Variants in TMEM17 observed in about 807,000 individuals in gnomAD.
TMEM17 encodes the protein transmembrane protein 17.
A neutral mutation model predicts 19.1 loss-of-function variants in TMEM17; 15 were observed. That is an observed-to-expected ratio of 0.78 (90% CI 0.52 to 1.21). TMEM17 has a LOEUF of 1.21. TMEM17 is among the 50% of genes most tolerant of loss of function. TMEM17 has a pLI of 0.00. For missense variants in TMEM17, 245 were observed against 242.3 expected (o/e 1.01, Z -0.07); for synonymous variants, 103 against 86.9 (o/e 1.19, Z -1.03).
At chr2:62,466,650 GC>G in the TMEM17 span, among the ~76,000 whole-genome samples, 83 of 152,328 alleles carry the variant, frequency 5.4e-4, no homozygotes, top group Non-Finnish European at 1.0e-3. Context: ...TTAGGAAGCA[GC>G]TTATTTGAGG....
At chr2:62,475,320 C>G in the TMEM17 span, among the ~76,000 whole-genome samples, 1 of 152,366 alleles carries the variant, frequency 6.6e-6, no homozygotes, top group East Asian at 1.9e-4. Context: ...TGGGGCACAG[C>G]GGCAGAGGCA....
At chr2:62,503,898 A>T (rs1472239010) in intron 1 of TMEM17, among the ~76,000 whole-genome samples, 1 of 152,248 alleles carries the variant, frequency 6.6e-6, no homozygotes, top group African/African-American at 2.4e-5. Context: ...TTGATTCCAT[A>T]ACACTTTCTG....
chr2:62,498,689 C>A (rs1573432114), downstream of TMEM17, among the ~76,000 whole-genome samples: 1 of 146,262 alleles, frequency 6.8e-6, no homozygotes, highest in African/African-American at 2.6e-5. Context: ...GCACTCCAGC[C>A]TGGGCGACAG....
rs952188266 is a variant in TMEM17 at position 62,504,448 on chromosome 2, T to C, written c.100+1582A>G. ...AAATTGGGCAAGCTGAACATTTCAGTACCTTTGAGAAGAAACTGTAGTCAA... is the reference window on the plus strand; with the variant it reads ...AAATTGGGCAAGCTGAACATTTCAGCACCTTTGAGAAGAAACTGTAGTCAA... On this transcript the variant is annotated intron_variant, in intron 1 of 3. Transcript: ENST00000335390. Among the ~76,000 whole-genome samples, 6 of 152,330 alleles carry C rather than the reference T, an allele frequency of 3.9e-5. No homozygotes were observed. In the Middle Eastern group the frequency reaches 0.017, roughly 432 times the overall value.
At chr2:62,470,244 A>G in the TMEM17 span, among the ~76,000 whole-genome samples, 5 of 152,218 alleles carry the variant, frequency 3.3e-5, no homozygotes, top group Admixed American at 6.5e-5. Flanking sequence ...CCCCTAGGGT[A>G]TAATTCCAAG....
chr2:62,496,541 A>C (rs1042871651), downstream of TMEM17, among the ~76,000 whole-genome samples: 4 of 152,352 alleles, frequency 2.6e-5, no homozygotes, highest in African/African-American at 9.6e-5. Flanking sequence ...TCAGAAAAGC[A>C]GGGTGCACAA....
the TMEM17 span, among the ~76,000 whole-genome samples, chr2:62,460,399 C>T: frequency 1.3e-5 from 2 of 152,154 alleles, no homozygotes; most frequent in Non-Finnish European, 2.9e-5. Context: ...AGTCATTGAG[C>T]TTCTAGTTTT....
At chr2:62,488,068 T>C in the TMEM17 span, among the ~76,000 whole-genome samples, 1 of 152,208 alleles carries the variant, frequency 6.6e-6, no homozygotes, top group Admixed American at 6.5e-5. Flanking sequence ...TCGAGGCTAT[T>C]GCTCTAGATG....
At chr2:62,470,873 C>G in the TMEM17 span, among the ~76,000 whole-genome samples, 6 of 152,362 alleles carry the variant, frequency 3.9e-5, no homozygotes, top group African/African-American at 1.4e-4. Flanking sequence ...CTTAACCACT[C>G]CAGTTCCAAG....
chr2:62,501,570 C>G, intron 3 of TMEM17, 83 bp from the exon 4 acceptor site: 1 of 1,341,060 alleles, frequency 7.5e-7, no homozygotes, highest in East Asian at 2.4e-5. Flanking sequence ...TTATCACTAC[C>G]GTGAACCTAC....
intron 3 of TMEM17, 30 bp downstream of exon 3, chr2:62,502,407 A>G (rs1040317532): frequency 1.4e-6 from 2 of 1,428,108 alleles, no homozygotes; most frequent in Non-Finnish European, 2.0e-6. Context: ...ATTTATATCT[A>G]TCACTGAGAG....
chr2:62,506,112 CG>C lies in TMEM17; in HGVS notation c.17del (p.Pro6ArgfsTer54). 6.2e-7 allele frequency: 1 copy of C among 1,610,900 alleles called. No individual in the cohort carries two copies. Among genetic ancestry groups the C allele is most frequent in the Non-Finnish European group, 8.5e-7 (1 of 1,178,780 alleles). Reference protein sequence around the residue: MELPDPVRQRLGNFSR... With the variant: MELPDXVRQRLGNFSR... ...TGAAGTTTCCCAGCCGCTGGCGCAC[CG>C]GATCCGGCAGCTCCATGCCTGGGCC... On this transcript the variant is annotated frameshift_variant, in exon 1 of 4. Coordinates refer to ENST00000335390, the MANE Select transcript of TMEM17 (RefSeq NM_198276.3). LOFTEE classifies it high-confidence loss of function.
At chr2:62,490,438 A>AT in the TMEM17 span, among the ~76,000 whole-genome samples, 2 of 151,880 alleles carry the variant, frequency 1.3e-5, no homozygotes, top group Non-Finnish European at 2.9e-5. Context: ...TAATATTTTT[A>AT]TTTTTTGTAG....
chr2:62,462,648 C>T, the TMEM17 span, among the ~76,000 whole-genome samples: 22 of 152,298 alleles, frequency 1.4e-4, no homozygotes, highest in Admixed American at 5.2e-4. Flanking sequence ...AAAGGCCCCT[C>T]GAGGCTACAT....
At chr2:62,483,780 A>G in the TMEM17 span, among the ~76,000 whole-genome samples, 1 of 151,956 alleles carries the variant, frequency 6.6e-6, no homozygotes, top group African/African-American at 2.4e-5. Flanking sequence ...TTGTATTTTT[A>G]GGAGAGACAG....
chr2:62,500,019 C>T (rs7582882), downstream of TMEM17, among the ~76,000 whole-genome samples: 19,793 of 152,150 alleles, frequency 0.13, 1,417 homozygotes, highest in East Asian at 0.29. Context: ...TCAAGCCTCA[C>T]GTGAATTTAA....
the TMEM17 span, among the ~76,000 whole-genome samples, chr2:62,473,438 T>G: frequency 2.3e-3 from 349 of 152,232 alleles, 1 homozygote; most frequent in Non-Finnish European, 2.8e-3. Flanking sequence ...GATGGCCCCT[T>G]GGAAGTTCTG....
the TMEM17 span, among the ~76,000 whole-genome samples, chr2:62,480,709 C>G: frequency 6.6e-6 from 1 of 151,910 alleles, no homozygotes; most frequent in Non-Finnish European, 1.5e-5. Flanking sequence ...AAAAAAAAAT[C>G]TACTGGCTAT....
chr2:62,496,002 T>A (rs1679767871), downstream of TMEM17, among the ~76,000 whole-genome samples: 1 of 152,228 alleles, frequency 6.6e-6, no homozygotes. Context: ...GCTTGCCTAA[T>A]CCTTTTCCCG....
Sources: gnomAD v4.1 joint callset for allele counts (sites outside exome capture counted in the v4.1 genomes callset) on GRCh38, gnomAD v4.1.1 for gene constraint, MANE v1.5 for transcripts, NCBI Gene and HGNC (gene_info 2026-07-23, HGNC 2026-07-21) for gene names.